The following GATB variants were observed in gnomAD, a reference collection of about 807,000 sequenced individuals.
The protein encoded by GATB is glutamyl-tRNA amidotransferase subunit B, also known as glutamyl-tRNA(Gln) amidotransferase subunit B, mitochondrial.
A neutral mutation model predicts 62.3 loss-of-function variants in GATB; 39 were observed. That is an observed-to-expected ratio of 0.63 (90% confidence interval 0.48 to 0.82). The LOEUF (loss-of-function observed/expected upper bound fraction) is 0.82, where lower values mean the gene tolerates loss of function less well. Among genes scored for constraint, GATB ranks in the 40% least tolerant of loss-of-function variants. The pLI, the probability that GATB is intolerant of heterozygous loss-of-function variation, is 0.00. For synonymous variants in GATB, 276 were observed against 258.9 expected, an observed-to-expected ratio of 1.07 and a Z score of -0.63; for missense variants, 670 against 684.0, an observed-to-expected ratio of 0.98 and a Z score of 0.23.
At chr4:151,712,641 CA>C (rs972401599) in intron 5 of GATB, among the ~76,000 whole-genome samples, 2 of 149,030 alleles carry the variant, frequency 1.3e-5, no homozygotes, top group African/African-American at 2.5e-5. Flanking sequence ...AAGGTTTGAC[CA>C]AAAAAAAAGC....
chr4:151,737,183 ACT>A (rs1238499328), intron 2 of GATB, among the ~76,000 whole-genome samples: 1 of 152,112 alleles, frequency 6.6e-6, no homozygotes, highest in Non-Finnish European at 1.5e-5. Context: ...TTGTTGAATG[ACT>A]CTGACCAAAA....
chr4:151,735,035 G>C (rs979181279), intron 2 of GATB, among the ~76,000 whole-genome samples: 1 of 152,074 alleles, frequency 6.6e-6, no homozygotes, highest in Non-Finnish European at 1.5e-5. Context: ...AGGATTTCAT[G>C]ACCAAAAACC....
At chr4:151,747,991 T>A (rs903906539) in intron 2 of GATB, among the ~76,000 whole-genome samples, 2 of 152,098 alleles carry the variant, frequency 1.3e-5, no homozygotes, top group African/African-American at 4.8e-5. Context: ...GAACTACAAA[T>A]CACTGCTCAA....
At chr4:151,728,629 A>G (rs181103720) in intron 2 of GATB, among the ~76,000 whole-genome samples, 3 of 152,308 alleles carry the variant, frequency 2.0e-5, no homozygotes, top group Admixed American at 6.5e-5. Flanking sequence ...CCTAAAATTT[A>G]CTCAAGAGAC....
chr4:151,687,485 A>C (rs1343236463), intron 10 of GATB, among the ~76,000 whole-genome samples: 1 of 152,246 alleles, frequency 6.6e-6, no homozygotes, highest in Non-Finnish European at 1.5e-5. Context: ...CAACCCAGCC[A>C]CTGCCACCTT....
chr4:151,678,164 C>T (rs1030197678), intron 11 of GATB, among the ~76,000 whole-genome samples: 8 of 152,188 alleles, frequency 5.3e-5, no homozygotes, highest in African/African-American at 1.9e-4. Context: ...TTAAGCAACA[C>T]ACACTAGACA....
intron 2 of GATB, among the ~76,000 whole-genome samples, chr4:151,726,390 T>C (rs1288146659): frequency 6.6e-6 from 1 of 152,236 alleles, no homozygotes; most frequent in Non-Finnish European, 1.5e-5. Context: ...TCTTGTGCTA[T>C]AATAATTAAG....
Position 151,672,912 on chromosome 4 carries a change from G to A in GATB, c.1411-16C>T. Reference sequence around the variant, plus strand: ...CCTCAAACACCTATGGACCAGAGAAGGGAGAGGAAAGAGAAATGAGAAGTC... The same window carrying A: ...CCTCAAACACCTATGGACCAGAGAAAGGAGAGGAAAGAGAAATGAGAAGTC... On this transcript the variant is annotated splice_polypyrimidine_tract_variant and intron_variant, in intron 11 of 12. Coordinates refer to ENST00000263985, the MANE Select transcript of GATB (RefSeq NM_004564.3). The A allele has an allele frequency of 6.2e-7, 1 of 1,613,610 alleles. No homozygotes were observed. Among genetic ancestry groups the A allele is most frequent in the Non-Finnish European group, 8.5e-7 (1 of 1,179,658 alleles).
At chr4:151,714,882 G>C (rs756047679) in intron 5 of GATB, among the ~76,000 whole-genome samples, 3 of 152,172 alleles carry the variant, frequency 2.0e-5, no homozygotes, top group Non-Finnish European at 4.4e-5. Context: ...AAAGAAACTT[G>C]TAGGCAGCTA....
chr4:151,730,841 A>C lies in GATB; in HGVS notation c.328-11303T>G, dbSNP rs1206836314. Among the ~76,000 whole-genome samples the C allele has an allele frequency of 6.6e-6, 1 of 152,202 alleles. No individual in the cohort carries two copies. The highest frequency in any genetic ancestry group is 2.4e-5 in the African/African-American group (1 of 41,448). On this transcript the variant is annotated intron_variant, in intron 2 of 12. Coordinates refer to ENST00000263985, the MANE Select transcript of GATB (RefSeq NM_004564.3). This position sits in a 1 kb window ranked among gnomAD's most constrained non-coding sequence, Gnocchi z 4.1. ...CAAATGAGAAGGAACGAGAAAACCA[A>C]CGCTGGTAATATGACAAAACAAGGC...
chr4:151,751,602 G>T (rs1380554076), intron 2 of GATB, among the ~76,000 whole-genome samples: 1 of 152,196 alleles, frequency 6.6e-6, no homozygotes, highest in Non-Finnish European at 1.5e-5. Context: ...TGGTAGGTAA[G>T]AATTTAGTTC....
intron 2 of GATB, among the ~76,000 whole-genome samples, chr4:151,750,911 G>A (rs1174274917): frequency 1.3e-5 from 2 of 151,748 alleles, no homozygotes; most frequent in African/African-American, 4.8e-5. Context: ...TGGGATTACA[G>A]GCACGAGCCA....
At chr4:151,760,146 C>T (rs1476412781) in intron 1 of GATB, among the ~76,000 whole-genome samples, 1 of 152,244 alleles carries the variant, frequency 6.6e-6, no homozygotes, top group Admixed American at 6.5e-5. Context: ...AAAGAATAAA[C>T]AAAATATTAG....
intron 11 of GATB, chr4:151,673,769 GGGA>G (rs1370331430): frequency 1.3e-5 from 2 of 152,158 alleles, no homozygotes; most frequent in African/African-American, 4.8e-5. Context: ...ATTGGGAGCC[GGGA>G]GGAGGGCTTC....
intron 2 of GATB, chr4:151,724,184 TAAC>T: frequency 1.3e-5 from 2 of 152,198 alleles, no homozygotes. Context: ...GACCATCATT[TAAC>T]AACAACTCCC....
chr4:151,730,137 C>T lies in GATB; in HGVS notation c.328-10599G>A, dbSNP rs7678484. Reference sequence around the variant, plus strand: ...TGGTTTGTGTGGGAGCTGGGTGAGGCCTGTGACTGCCAGCTTTCCCCTTCT... The same window carrying T: ...TGGTTTGTGTGGGAGCTGGGTGAGGTCTGTGACTGCCAGCTTTCCCCTTCT... On this transcript the variant is annotated intron_variant, in intron 2 of 12. Transcript: ENST00000263985. This position sits in a 1 kb window ranked among gnomAD's most constrained non-coding sequence, Gnocchi z 4.1. Among the ~76,000 whole-genome samples the T allele has an allele frequency of 2.5e-3, 385 of 152,188 alleles. No individual in the cohort carries two copies. The highest frequency in any genetic ancestry group is 8.8e-3 in the African/African-American group (367 of 41,516).
intron 11 of GATB, chr4:151,674,633 G>C (rs921166120): frequency 6.6e-6 from 1 of 152,006 alleles, no homozygotes; most frequent in African/African-American, 2.4e-5. Context: ...TATTCAGTTT[G>C]TGTCCTGCTT....
At chr4:151,736,655 A>T (rs1578933057) in intron 2 of GATB, among the ~76,000 whole-genome samples, 1 of 152,222 alleles carries the variant, frequency 6.6e-6, no homozygotes, top group East Asian at 1.9e-4. Flanking sequence ...CATTTTAATG[A>T]TGCAAAGTTA....
chr4:151,672,462 C>T, intron 12 of GATB: 1 of 342,488 alleles, frequency 2.9e-6, no homozygotes, highest in Non-Finnish European at 5.4e-6. Context: ...GGGCGACACA[C>T]CTGGGAGGTC....
Sources: gnomAD v4.1 joint callset for allele counts (sites outside exome capture counted in the v4.1 genomes callset) on GRCh38, gnomAD v4.1.1 for gene constraint, Gnocchi (gnomAD v3.1) non-coding constraint, MANE v1.5 for transcripts, NCBI Gene and HGNC (gene_info 2026-07-23, HGNC 2026-07-21) for gene names.